The following CNIH3 variants were observed in gnomAD, a reference collection of about 807,000 sequenced individuals.
CNIH3 encodes the protein cornichon family AMPA receptor auxiliary protein 3.
In CNIH3, 14 loss-of-function variants were observed where a neutral mutation model predicts 24.1. The ratio of observed to expected loss-of-function variants is 0.58; its 90% CI spans 0.38 to 0.91. CNIH3 has a LOEUF of 0.91. Ranked by LOEUF, CNIH3 falls within the 40% of genes least tolerant of loss-of-function variation. CNIH3 has a pLI of 0.00. For synonymous variants in CNIH3, 68 were observed against 73.8 expected (o/e 0.92, Z 0.40); for missense variants, 178 against 196.8 (o/e 0.90, Z 0.57).
intron 3 of CNIH3, among the ~76,000 whole-genome samples, chr1:224,692,333 G>C (rs1041753405): frequency 2.6e-5 from 4 of 152,120 alleles, no homozygotes; most frequent in African/African-American, 9.7e-5. Flanking sequence ...TGGAGAAGAT[G>C]GTGCCTTTTT....
chr1:224,620,144 C>T (rs1683210899), intron 1 of CNIH3, among the ~76,000 whole-genome samples: 5 of 152,252 alleles, frequency 3.3e-5, no homozygotes, highest in Admixed American at 3.3e-4. Flanking sequence ...CAGCTACTAT[C>T]TCTGAGTACA....
intron 1 of CNIH3, among the ~76,000 whole-genome samples, chr1:224,452,859 G>T (rs1329725270): frequency 4.1e-5 from 6 of 145,842 alleles, no homozygotes; most frequent in Non-Finnish European, 7.5e-5. Flanking sequence ...GGTGGCTCGT[G>T]CCTGTAATCC....
intron 3 of CNIH3, among the ~76,000 whole-genome samples, chr1:224,690,055 G>A (rs1235012809): frequency 6.6e-6 from 1 of 152,148 alleles, no homozygotes; most frequent in Non-Finnish European, 1.5e-5. Flanking sequence ...CAAGTTTAGC[G>A]AGTGGTTCGA....
chr1:224,661,509 C>A, intron 1 of CNIH3: 1 of 301,450 alleles, frequency 3.3e-6, no homozygotes, highest in South Asian at 3.8e-5. Context: ...CTTGGGGACC[C>A]CTTTGATTCC....
chr1:224,701,518 A>T lies in CNIH3; in HGVS notation c.198+16675A>T, dbSNP rs374344889. Reference sequence around the variant, plus strand: ...GGCTCCACCCTCATGTTGTCATCTAATCCTAATCAACTCCCAGAGACCCCA... The same window carrying T: ...GGCTCCACCCTCATGTTGTCATCTATTCCTAATCAACTCCCAGAGACCCCA... On this transcript the variant is annotated intron_variant, in intron 3 of 5. Coordinates refer to ENST00000272133, the MANE Select transcript of CNIH3 (RefSeq NM_152495.2). Among the ~76,000 whole-genome samples the T allele has an allele frequency of 6.6e-5, 10 of 152,132 alleles. No homozygotes were observed. The East Asian group carries it at 1.9e-3, about 29-fold the overall frequency.
chr1:224,477,309 C>A, intron 1 of CNIH3, among the ~76,000 whole-genome samples: 1 of 152,176 alleles, frequency 6.6e-6, no homozygotes, highest in East Asian at 1.9e-4. Flanking sequence ...GAGTGGGACG[C>A]GCAAGCTAGT....
At chr1:224,702,255 T>C (rs1687536098) in intron 3 of CNIH3, among the ~76,000 whole-genome samples, 2 of 152,204 alleles carry the variant, frequency 1.3e-5, no homozygotes, top group Non-Finnish European at 2.9e-5. Flanking sequence ...GTACACACAA[T>C]TTATTTAGCC....
intron 1 of CNIH3, among the ~76,000 whole-genome samples, chr1:224,648,519 A>G (rs768079926): frequency 6.6e-6 from 1 of 152,146 alleles, no homozygotes; most frequent in Non-Finnish European, 1.5e-5. Flanking sequence ...TCATTTACTC[A>G]TACATTAAAT....
At chr1:224,556,573 G>A (rs1680148904) in intron 3 of CNIH3, among the ~76,000 whole-genome samples, 1 of 152,190 alleles carries the variant, frequency 6.6e-6, no homozygotes, top group Non-Finnish European at 1.5e-5. Flanking sequence ...GGGGCAGGGT[G>A]TATGGTTTCA....
At chr1:224,573,792 A>T (rs535285571) in intron 4 of CNIH3, among the ~76,000 whole-genome samples, 2 of 152,200 alleles carry the variant, frequency 1.3e-5, no homozygotes, top group Non-Finnish European at 2.9e-5. Flanking sequence ...AATGTGTGAT[A>T]AAAAGGTAAA....
intron 3 of CNIH3, among the ~76,000 whole-genome samples, chr1:224,564,952 G>A (rs1680521378): frequency 6.6e-6 from 1 of 152,230 alleles, no homozygotes; most frequent in African/African-American, 2.4e-5. Flanking sequence ...GACAGATGGT[G>A]GGCAGCTGTC....
upstream of CNIH3, among the ~76,000 whole-genome samples, chr1:224,512,671 A>G (rs1034264250): frequency 6.6e-6 from 1 of 152,222 alleles, no homozygotes; most frequent in Non-Finnish European, 1.5e-5. Flanking sequence ...TTTAAAATAA[A>G]AGAAAGAACA....
rs574381864 is a variant in CNIH3, at chr1:224,734,493, G to A, written c.312-70G>A. ...GATTGCTCGACAGAAGCCCTGCATC[G>A]GAAGGGTTTGCCCAGGTTACGCCAG... is the stretch of plus-strand genomic sequence containing the variant. On this transcript the variant is annotated intron_variant, in intron 4 of 5. Coordinates refer to ENST00000272133, the MANE Select transcript of CNIH3 (RefSeq NM_152495.2). 4.7e-5 allele frequency: 72 copies of A among 1,520,934 alleles called. No homozygotes were observed. The African/African-American group carries it at 5.3e-4, about 11-fold the overall frequency. The allele number at this position is 1,520,934 out of a possible 1,614,324, so 94.2% of individuals were successfully genotyped here. A position where few individuals can be genotyped will look rare whatever the true frequency, so the allele number is the denominator to read the frequency against.
chr1:224,682,906 T>C (rs2125146666), intron 2 of CNIH3, among the ~76,000 whole-genome samples: 1 of 152,380 alleles, frequency 6.6e-6, no homozygotes, highest in East Asian at 1.9e-4. Context: ...GTCCTACTGC[T>C]CAATTCTATC....
chr1:224,628,268 T>G (rs562604146), intron 1 of CNIH3, among the ~76,000 whole-genome samples: 20 of 152,310 alleles, frequency 1.3e-4, no homozygotes, highest in South Asian at 1.2e-3. Flanking sequence ...CTTAAAAAAA[T>G]TTGTTGTAAA....
At chr1:224,708,675 C>A (rs1044506686) in intron 3 of CNIH3, among the ~76,000 whole-genome samples, 1 of 152,202 alleles carries the variant, frequency 6.6e-6, no homozygotes, top group Non-Finnish European at 1.5e-5. Flanking sequence ...TATGACATGA[C>A]TAGTCTCCTG....
chr1:224,466,111 A>G (rs374052227), intron 1 of CNIH3, among the ~76,000 whole-genome samples: 2 of 152,246 alleles, frequency 1.3e-5, no homozygotes, highest in African/African-American at 4.8e-5. Flanking sequence ...TTTACCAGTT[A>G]CACATGCACT....
intron 3 of CNIH3, among the ~76,000 whole-genome samples, chr1:224,557,355 C>G (rs1034445985): frequency 2.0e-5 from 3 of 152,056 alleles, no homozygotes; most frequent in African/African-American, 7.2e-5. Context: ...GCCCACTTTC[C>G]CCTCTTAGAA....
intron 1 of CNIH3, among the ~76,000 whole-genome samples, chr1:224,471,885 C>T (rs1398263429): frequency 7.2e-5 from 11 of 152,072 alleles, no homozygotes; most frequent in African/African-American, 2.2e-4. Context: ...CCACCGTGCC[C>T]GGCCTCTCAT....
Sources: gnomAD v4.1 joint callset for allele counts (sites outside exome capture counted in the v4.1 genomes callset) on GRCh38, gnomAD v4.1.1 for gene constraint, MANE v1.5 for transcripts, NCBI Gene and HGNC (gene_info 2026-07-23, HGNC 2026-07-21) for gene names.